Variants in EXOC5 observed in about 807,000 individuals in gnomAD.
The protein encoded by EXOC5 is SEC10-like 1.
In EXOC5, 17 loss-of-function variants were observed where a neutral mutation model predicts 90.8. The observed-to-expected ratio is 0.19, with a 90% CI of 0.13 to 0.28. EXOC5 has a LOEUF of 0.28. EXOC5 is among the 10% of genes least tolerant of loss of function. The probability of loss-of-function intolerance (pLI) is 1.00; values close to 1 mark genes in which losing one functional copy is unlikely to be tolerated. For missense variants in EXOC5, 569 were observed against 830.6 expected, an observed-to-expected ratio of 0.69 and a Z score of 3.87; for synonymous variants, 260 against 270.0, an observed-to-expected ratio of 0.96 and a Z score of 0.36.
Position 57,231,694 on chromosome 14 carries a change from C to G in EXOC5, c.960G>C (p.Lys320Asn). The change falls in exon 11 of 18, where the codon AAG becomes AAC. Residue 320 changes from lysine to asparagine, a missense_variant. Lys to Asn is a moderately conservative substitution (Grantham distance 94). This residue lies in a region of EXOC5 where 114 missense variants were observed against 111.2 expected (regional missense o/e 1.03). Transcript: ENST00000621441. ...LYTRTTNLSS[K>N]LMEFNLGTDK... Reference sequence around the variant, plus strand: ...CAGTACCTAAATTAAACTCCATCAGCTTGCTGGAAAGATTGGTGGTTCTTT... The same window carrying G: ...CAGTACCTAAATTAAACTCCATCAGGTTGCTGGAAAGATTGGTGGTTCTTT... The G allele has an allele frequency of 6.2e-7, 1 of 1,606,080 alleles. No individual in the cohort carries two copies. The highest frequency in any genetic ancestry group is 1.3e-5 in the African/African-American group (1 of 74,644).
In EXOC5 at chr14:57,251,610, CTTAAG is replaced by C. The variant is rs1041337941; in HGVS notation, c.28-3903_28-3899del. Reference sequence around the variant, plus strand: ...ATCTCAAATCAACACAACTTTAAAACTTAAGTTATTAGAAAAAGAAGTATAAACTT... The same window carrying C: ...ATCTCAAATCAACACAACTTTAAAACTTATTAGAAAAAGAAGTATAAACTT... On this transcript the variant is annotated intron_variant, in intron 1 of 17. Coordinates refer to ENST00000621441, the MANE Select transcript of EXOC5 (RefSeq NM_006544.4). Among the ~76,000 whole-genome samples the C allele has an allele frequency of 2.0e-3, 297 of 151,146 alleles. 1 individual carries two copies. Among genetic ancestry groups the C allele is most frequent in the African/African-American group, 6.9e-3 (285 of 41,112 alleles).
chr14:57,253,049 C>T (rs191929236), intron 1 of EXOC5, among the ~76,000 whole-genome samples: 1 of 152,184 alleles, frequency 6.6e-6, no homozygotes, highest in East Asian at 1.9e-4. Flanking sequence ...AGACAAATGC[C>T]ACATGACCTC....
At position 57,231,729 on chromosome 14, in the gene EXOC5, A is replaced by G. The variant is rs750295476; in HGVS notation, c.939-14T>C. The G allele has an allele frequency of 2.0e-6, 3 of 1,536,148 alleles. No individual in the cohort carries two copies. The highest frequency in any genetic ancestry group is 1.2e-5 in the South Asian group (1 of 85,004). ...AGATTGGTGGTTCTTTTCATGAAAA[A>G]GGGGGAGAAAAAGATTAATATACAT... On this transcript the variant is annotated splice_polypyrimidine_tract_variant and intron_variant, in intron 10 of 17. Coordinates refer to ENST00000621441, the MANE Select transcript of EXOC5 (RefSeq NM_006544.4).
rs554380054 is a variant in EXOC5, at chr14:57,207,135, G to T, written c.*1474C>A. On this transcript the variant is annotated 3_prime_UTR_variant, in exon 18 of 18. Coordinates refer to ENST00000621441, the MANE Select transcript of EXOC5 (RefSeq NM_006544.4). ...TCCCCAGCTTACCTTGGTAACACTG[G>T]ACTAAACAGAAAATGAAGAAAATTC... 2.0e-5 allele frequency: 3 copies of T among 152,520 alleles called. No individual in the cohort carries two copies. The East Asian group carries it at 5.8e-4, about 29-fold the overall frequency. 9.4% of individuals were successfully genotyped at this position (152,520 alleles called of 1,614,324 possible).
intron 5 of EXOC5, chr14:57,239,394 A>C: frequency 2.4e-6 from 1 of 412,302 alleles, no homozygotes; most frequent in South Asian, 6.9e-5. Flanking sequence ...TTTAGATATT[A>C]AGAAGAGACT....
At position 57,202,041 on chromosome 14, in the gene EXOC5, G is replaced by C. The variant is rs1039926713; in HGVS notation, c.*6568C>G. 6.6e-6 allele frequency: 1 copy of C among 152,014 alleles called. No homozygotes were observed. Among genetic ancestry groups the C allele is most frequent in the African/African-American group, 2.4e-5 (1 of 41,386 alleles). The allele number at this position is 152,014 out of a possible 1,614,324, so 9.4% of individuals were successfully genotyped here. A position where few individuals can be genotyped will look rare whatever the true frequency, so the allele number is the denominator to read the frequency against. On this transcript the variant is annotated 3_prime_UTR_variant, in exon 18 of 18. Coordinates refer to ENST00000621441, the MANE Select transcript of EXOC5 (RefSeq NM_006544.4). ...ATAAAAATGAACATCATCAGAAATG[G>C]GGCAAATTGAAATTGTGTACTATGT...
chr14:57,209,684 T>A lies in EXOC5; in HGVS notation c.1821A>T (p.Gly607=). The change falls in exon 17 of 18, where the codon GGA becomes GGT. Residue 607 remains glycine, a synonymous_variant. Coordinates refer to ENST00000621441, the MANE Select transcript of EXOC5 (RefSeq NM_006544.4). ...CATAGATAAGTCGATGAAAACGTACTCCAAGTTCCATCAAAACTGTATCCA... is the reference window on the plus strand; with the variant it reads ...CATAGATAAGTCGATGAAAACGTACACCAAGTTCCATCAAAACTGTATCCA... The part of the protein sequence containing the change: ...KNVDTVLMEL[G]VRFHRLIYEH... 6.2e-7 allele frequency: 1 copy of A among 1,612,642 alleles called. No individual in the cohort carries two copies. The highest frequency in any genetic ancestry group is 8.5e-7 in the Non-Finnish European group (1 of 1,178,902).
chr14:57,227,331 G>A (rs1258017155), intron 12 of EXOC5, among the ~76,000 whole-genome samples: 1 of 151,996 alleles, frequency 6.6e-6, no homozygotes, highest in Non-Finnish European at 1.5e-5. Context: ...GTATTTTTCA[G>A]ATTTATTCAT....
intron 1 of EXOC5, among the ~76,000 whole-genome samples, chr14:57,262,745 G>GTGTATATATATACGTATATATATA (rs1884552944): frequency 1.4e-4 from 21 of 147,056 alleles, no homozygotes; most frequent in Admixed American, 4.7e-4. Context: ...ATATATGTGT[G>GTGTATATATATACGTATATATATA]TGTGTATATA....
chr14:57,260,284 T>C (rs542707489), intron 1 of EXOC5, among the ~76,000 whole-genome samples: 88 of 152,232 alleles, frequency 5.8e-4, no homozygotes, highest in Non-Finnish European at 1.2e-3. Flanking sequence ...TATGAAAAGG[T>C]AGAAAAATAA....
chr14:57,231,690 T>G lies in EXOC5; in HGVS notation c.964A>C (p.Met322Leu). The change falls in exon 11 of 18, where the codon ATG (methionine) becomes CTG (leucine). Residue 322 changes from methionine to leucine, a missense_variant. Transcript: ENST00000621441. ...TRTTNLSSKL[M>L]EFNLGTDKQT... ...TTATCAGTACCTAAATTAAACTCCATCAGCTTGCTGGAAAGATTGGTGGTT... is the reference window on the plus strand; with the variant it reads ...TTATCAGTACCTAAATTAAACTCCAGCAGCTTGCTGGAAAGATTGGTGGTT... 1 of 1,607,498 alleles carries G rather than the reference T, an allele frequency of 6.2e-7. No homozygotes were observed. The highest frequency in any genetic ancestry group is 1.1e-5 in the South Asian group (1 of 89,338).
intron 1 of EXOC5, among the ~76,000 whole-genome samples, chr14:57,248,638 C>A (rs975459821): frequency 6.6e-6 from 1 of 152,088 alleles, no homozygotes; most frequent in Non-Finnish European, 1.5e-5. Flanking sequence ...AATTTACATA[C>A]TTTTCATACT....
chr14:57,242,762 T>G (rs924705368), intron 4 of EXOC5, among the ~76,000 whole-genome samples: 5 of 152,138 alleles, frequency 3.3e-5, no homozygotes, highest in Non-Finnish European at 7.4e-5. Flanking sequence ...ATTGGCAATC[T>G]AATACTATAT....
chr14:57,224,321 T>C (rs1883239394), intron 12 of EXOC5, among the ~76,000 whole-genome samples: 1 of 151,726 alleles, frequency 6.6e-6, no homozygotes, highest in African/African-American at 2.4e-5. Flanking sequence ...ATCAGTAAAA[T>C]GAATAAATCT....
chr14:57,267,216 C>T (rs973528750), intron 1 of EXOC5, among the ~76,000 whole-genome samples: 8 of 152,154 alleles, frequency 5.3e-5, no homozygotes, highest in Non-Finnish European at 7.4e-5. Context: ...TTTGGAATTA[C>T]AGAAATTAAT....
At chr14:57,224,183 G>A (rs1299087395) in intron 12 of EXOC5, among the ~76,000 whole-genome samples, 2 of 152,048 alleles carry the variant, frequency 1.3e-5, no homozygotes, top group Admixed American at 1.3e-4. Context: ...TTGGGGTGAG[G>A]GGTGGGGATA....
At chr14:57,257,049 G>T (rs986908853) in intron 1 of EXOC5, among the ~76,000 whole-genome samples, 13 of 152,204 alleles carry the variant, frequency 8.5e-5, no homozygotes, top group African/African-American at 2.7e-4. Context: ...TAGTAGTCCA[G>T]TCAAGAGATG....
chr14:57,229,821 G>C lies in EXOC5; in HGVS notation c.1209C>G (p.Ile403Met), dbSNP rs757828155. The change falls in exon 12 of 18, where the codon ATC becomes ATG. Residue 403 changes from isoleucine to methionine, a missense_variant. Around this residue, in one of 9 missense-constraint regions of EXOC5, gnomAD observed 69 missense variants for 115.5 expected, o/e 0.60. Coordinates refer to ENST00000621441, the MANE Select transcript of EXOC5 (RefSeq NM_006544.4). ...ATAGAAAAGTCTCCCCATGAGTATC[G>C]ATACTTGGCCCAAGTGGTAAGTTGG... ...QRTNLPLGPS[I>M]DTHGETFLSQ... 1 of 1,526,880 alleles carries C rather than the reference G, an allele frequency of 6.5e-7. No individual in the cohort carries two copies. The highest frequency in any genetic ancestry group is 2.5e-5 in the East Asian group (1 of 40,744). 94.6% of individuals were successfully genotyped at this position (1,526,880 alleles called of 1,614,324 possible).
chr14:57,232,309 A>G (rs1883510439), intron 10 of EXOC5: 1 of 159,508 alleles, frequency 6.3e-6, no homozygotes, highest in Admixed American at 6.5e-5. Context: ...TAAGAGTAAC[A>G]CTGACATTTA....
Sources: gnomAD v4.1 joint callset for allele counts (sites outside exome capture counted in the v4.1 genomes callset) on GRCh38, gnomAD v4.1.1 for gene constraint, gnomAD v4.1.1 regional missense constraint, MANE v1.5 for transcripts, NCBI Gene and HGNC (gene_info 2026-07-23, HGNC 2026-07-21) for gene names.